Variants in GRIA1 observed in about 807,000 individuals in gnomAD.
GRIA1 encodes the protein glutamate receptor 1.
In GRIA1, 31 loss-of-function variants were observed where a neutral mutation model predicts 99.2. The observed-to-expected ratio is 0.31, with a 90% CI of 0.23 to 0.42. The LOEUF (loss-of-function observed/expected upper bound fraction) is 0.42. Among genes scored for constraint, GRIA1 ranks in the 10% least tolerant of loss-of-function variants. The pLI is 1.00. For missense variants in GRIA1, 782 were observed against 1,157.5 expected (o/e 0.68, Z 4.71); for synonymous variants, 438 against 432.4 (o/e 1.01, Z -0.16).
chr5:153,577,924 G>A (rs1278585867), intron 2 of GRIA1, among the ~76,000 whole-genome samples: 3 of 152,020 alleles, frequency 2.0e-5, no homozygotes, highest in Non-Finnish European at 4.4e-5. Flanking sequence ...GCCAAGGCAG[G>A]CAGATCACCT....
chr5:153,766,745 C>A (rs1013051656), intron 12 of GRIA1, among the ~76,000 whole-genome samples: 1 of 152,082 alleles, frequency 6.6e-6, no homozygotes, highest in African/African-American at 2.4e-5. Context: ...TCTAACTGTA[C>A]CATTTTATAG....
chr5:153,657,267 T>G (rs568507280), intron 5 of GRIA1, among the ~76,000 whole-genome samples: 3 of 152,332 alleles, frequency 2.0e-5, no homozygotes, highest in South Asian at 4.1e-4. Flanking sequence ...CCAAAATTAT[T>G]TTCCAAAGTG....
At chr5:153,785,086 G>A (rs1030336509) in intron 13 of GRIA1, among the ~76,000 whole-genome samples, 3 of 152,158 alleles carry the variant, frequency 2.0e-5, no homozygotes, top group African/African-American at 7.2e-5. Context: ...CTATGTGTGA[G>A]GGACTGTGGA....
intron 2 of GRIA1, among the ~76,000 whole-genome samples, chr5:153,584,495 C>T (rs1457883604): frequency 6.6e-6 from 1 of 152,146 alleles, no homozygotes; most frequent in Non-Finnish European, 1.5e-5. Flanking sequence ...CAACTGGCTC[C>T]CTCACAGCAG....
intron 5 of GRIA1, among the ~76,000 whole-genome samples, chr5:153,667,649 A>G (rs1755844757): frequency 6.6e-6 from 1 of 152,220 alleles, no homozygotes; most frequent in South Asian, 2.1e-4. Flanking sequence ...TAGGTGCTAT[A>G]TCTGCATTTT....
intron 2 of GRIA1, among the ~76,000 whole-genome samples, chr5:153,603,914 A>G (rs1765224532): frequency 6.6e-6 from 1 of 152,200 alleles, no homozygotes; most frequent in African/African-American, 2.4e-5. Context: ...ACAGGATTGG[A>G]TATATAGTAA....
chr5:153,516,522 T>C (rs1480873131), intron 2 of GRIA1, among the ~76,000 whole-genome samples: 1 of 152,102 alleles, frequency 6.6e-6, no homozygotes, highest in Non-Finnish European at 1.5e-5. Context: ...CATTCTAATG[T>C]TGTAAAAATA....
chr5:153,587,120 T>C (rs1426673246), intron 2 of GRIA1, among the ~76,000 whole-genome samples: 1 of 152,200 alleles, frequency 6.6e-6, no homozygotes, highest in Non-Finnish European at 1.5e-5. Flanking sequence ...TGTTGAATTG[T>C]AATCCCCAAT....
chr5:153,708,726 T>C (rs531595663), intron 11 of GRIA1, among the ~76,000 whole-genome samples: 1 of 152,352 alleles, frequency 6.6e-6, no homozygotes, highest in South Asian at 2.1e-4. Flanking sequence ...GAAAGCCTAA[T>C]ACCTTCTTCT....
intron 5 of GRIA1, among the ~76,000 whole-genome samples, chr5:153,672,676 G>C (rs1194108994): frequency 6.6e-6 from 1 of 152,180 alleles, no homozygotes; most frequent in South Asian, 2.1e-4. Context: ...ATCAGAGAAA[G>C]CCAATGAGAA....
At chr5:153,661,049 C>A (rs1189829410) in intron 5 of GRIA1, among the ~76,000 whole-genome samples, 3 of 152,196 alleles carry the variant, frequency 2.0e-5, no homozygotes, top group Non-Finnish European at 4.4e-5. Flanking sequence ...TCCAAGCCCC[C>A]AGCCCCATGC....
At chr5:153,706,133 T>TTTGTTTGA in intron 11 of GRIA1, 66 bp downstream of exon 11, 1 of 1,476,284 alleles carries the variant, frequency 6.8e-7, no homozygotes, top group Non-Finnish European at 9.4e-7. Context: ...TGTTTGTTTG[T>TTTGTTTGA]TTTTTAAATA....
At chr5:153,581,015 G>A (rs973930744) in intron 2 of GRIA1, among the ~76,000 whole-genome samples, 6 of 152,158 alleles carry the variant, frequency 3.9e-5, no homozygotes, top group African/African-American at 1.4e-4. Context: ...TAGAAATAAC[G>A]AAGGTAGTTT....
At chr5:153,697,240 G>A (rs1374692021) in intron 8 of GRIA1, among the ~76,000 whole-genome samples, 3 of 152,112 alleles carry the variant, frequency 2.0e-5, no homozygotes, top group Admixed American at 1.3e-4. Context: ...TGTCACTTCT[G>A]CGGCCATGTC....
At chr5:153,570,887 G>C (rs1014735890) in intron 2 of GRIA1, among the ~76,000 whole-genome samples, 1 of 152,068 alleles carries the variant, frequency 6.6e-6, no homozygotes. Context: ...AGTCCCCCTT[G>C]TTCACTATAG....
chr5:153,525,005 T>C (rs531563713), intron 2 of GRIA1, among the ~76,000 whole-genome samples: 5 of 152,308 alleles, frequency 3.3e-5, no homozygotes, highest in Non-Finnish European at 7.3e-5. Flanking sequence ...CACTGCCAGC[T>C]TAGGATCTCT....
Position 153,706,067 on chromosome 5 carries a change from G to A in GRIA1, c.1823G>A (p.Arg608Lys). The change falls in exon 11 of 16, where the codon AGG (arginine) becomes AAG (lysine). Residue 608 changes from arginine to lysine, a missense_variant and splice_region_variant. By Grantham distance (26) the Arg-to-Lys change is conservative. Coordinates refer to ENST00000285900, the MANE Select transcript of GRIA1 (RefSeq NM_000827.4). ...FMQQGCDISP[R>K]SLSGRIVGGV... ...CAGCAAGGATGTGACATTTCTCCCA[G>A]GTCAGTCAGCTCTTCTCAATCCCTT... 6.2e-7 allele frequency: 1 copy of A among 1,613,682 alleles called. No homozygotes were observed.
intron 2 of GRIA1, among the ~76,000 whole-genome samples, chr5:153,543,951 G>C (rs1285714759): frequency 6.6e-6 from 1 of 151,884 alleles, no homozygotes; most frequent in African/African-American, 2.4e-5. Flanking sequence ...AAGCATGGAG[G>C]GGGTGAGGGA....
At chr5:153,785,772 C>A (rs1212185417) in intron 13 of GRIA1, among the ~76,000 whole-genome samples, 1 of 152,210 alleles carries the variant, frequency 6.6e-6, no homozygotes, top group Non-Finnish European at 1.5e-5. Context: ...TTATTCCTGA[C>A]AAACAGTTGT....
Sources: allele counts gnomAD v4.1 joint callset (sites outside exome capture counted in the v4.1 genomes callset), GRCh38; gene constraint gnomAD v4.1.1; transcripts MANE v1.5; gene names NCBI Gene and HGNC (gene_info 2026-07-23, HGNC 2026-07-21).